EBPL: variants seen among roughly 807,000 people sequenced by gnomAD.
EBPL encodes EBP like.
EBPL carries 20 observed loss-of-function variants against 19.0 expected under a neutral mutation model. The observed-to-expected ratio is 1.05, with a 90% confidence interval of 0.74 to 1.53. The LOEUF (loss-of-function observed/expected upper bound fraction) is 1.53, where lower values mean the gene tolerates loss of function less well. Ranked by LOEUF, EBPL falls within the 40% of genes most tolerant of loss-of-function variation. The pLI is 0.00. For missense variants in EBPL, 219 were observed against 261.1 expected (o/e 0.84, Z 1.11); for synonymous variants, 107 against 117.0 (o/e 0.91, Z 0.55).
At chr13:49,663,474 A>G (rs186772524) in intron 2 of EBPL, among the ~76,000 whole-genome samples, 2 of 152,324 alleles carry the variant, frequency 1.3e-5, no homozygotes, top group African/African-American at 4.8e-5. Context: ...ACCCTCTTCA[A>G]CATAAGTAGC....
intron 1 of EBPL, among the ~76,000 whole-genome samples, chr13:49,684,754 T>C (rs1183203954): frequency 6.6e-6 from 1 of 152,224 alleles, no homozygotes; most frequent in African/African-American, 2.4e-5. Flanking sequence ...AAATAAACTT[T>C]AAGAGACTGT....
intron 1 of EBPL, among the ~76,000 whole-genome samples, chr13:49,681,261 T>A (rs1230417413): frequency 6.6e-6 from 1 of 152,064 alleles, no homozygotes; most frequent in Non-Finnish European, 1.5e-5. Flanking sequence ...GAAAGGCCAG[T>A]CTCATTTTTC....
chr13:49,690,042 C>T (rs1340024316), intron 1 of EBPL, among the ~76,000 whole-genome samples: 3 of 151,738 alleles, frequency 2.0e-5, no homozygotes, highest in Non-Finnish European at 4.4e-5. Context: ...CCCAGCTACT[C>T]GGGAGGCTGA....
chr13:49,667,111 A>G (rs1965240400), intron 2 of EBPL, among the ~76,000 whole-genome samples: 1 of 152,120 alleles, frequency 6.6e-6, no homozygotes, highest in African/African-American at 2.4e-5. Context: ...GGGGACGGAT[A>G]GTAAGGGGCC....
At chr13:49,685,193 A>G (rs1168131215) in intron 1 of EBPL, among the ~76,000 whole-genome samples, 1 of 152,246 alleles carries the variant, frequency 6.6e-6, no homozygotes, top group Non-Finnish European at 1.5e-5. Context: ...ATATTGAACT[A>G]CATTATAGTG....
intron 1 of EBPL, among the ~76,000 whole-genome samples, chr13:49,679,616 C>G (rs1953920470): frequency 6.6e-6 from 1 of 152,206 alleles, no homozygotes; most frequent in Non-Finnish European, 1.5e-5. Context: ...ATCCTCCTGT[C>G]TCAGCCTCCA....
chr13:49,672,448 C>CCGTT (rs539799544), intron 1 of EBPL, among the ~76,000 whole-genome samples: 53 of 152,162 alleles, frequency 3.5e-4, no homozygotes, highest in Non-Finnish European at 7.1e-4. Context: ...TTGTCTCTTC[C>CCGTT]CAAAACTGCC....
At chr13:49,666,082 C>T (rs904496085) in intron 2 of EBPL, among the ~76,000 whole-genome samples, 2 of 152,186 alleles carry the variant, frequency 1.3e-5, no homozygotes, top group African/African-American at 4.8e-5. Flanking sequence ...TCTCGCCATG[C>T]AGGGCCACAT....
intron 1 of EBPL, among the ~76,000 whole-genome samples, chr13:49,678,711 C>T (rs1340330011): frequency 1.3e-5 from 2 of 152,042 alleles, no homozygotes; most frequent in African/African-American, 2.4e-5. Context: ...CGCGGCCAGC[C>T]CAGAGAGGGG....
chr13:49,666,171 G>A (rs1382653822), intron 2 of EBPL, among the ~76,000 whole-genome samples: 1 of 152,204 alleles, frequency 6.6e-6, no homozygotes, highest in Non-Finnish European at 1.5e-5. Context: ...GGGGTGGGAT[G>A]AGCCCTGGTT....
chr13:49,686,882 A>G (rs895812730), intron 1 of EBPL, among the ~76,000 whole-genome samples: 4 of 152,010 alleles, frequency 2.6e-5, no homozygotes, highest in African/African-American at 7.3e-5. Flanking sequence ...TGCAGCCTCA[A>G]TCTCCTGGGT....
At chr13:49,676,780 C>T (rs559178230) in intron 1 of EBPL, among the ~76,000 whole-genome samples, 175 of 152,250 alleles carry the variant, frequency 1.1e-3, no homozygotes, top group Non-Finnish European at 2.0e-3. Flanking sequence ...AGGTTGATTA[C>T]ATGCAATAAA....
At chr13:49,689,595 C>G (rs1238778808) in intron 1 of EBPL, among the ~76,000 whole-genome samples, 1 of 152,176 alleles carries the variant, frequency 6.6e-6, no homozygotes, top group African/African-American at 2.4e-5. Flanking sequence ...GATCCACCCG[C>G]CTCAGCCTCC....
At chr13:49,678,455 G>T (rs1168761827) in intron 1 of EBPL, among the ~76,000 whole-genome samples, 5 of 152,220 alleles carry the variant, frequency 3.3e-5, no homozygotes, top group African/African-American at 1.2e-4. Flanking sequence ...GCCCTGCCCC[G>T]TGGGGAAGCG....
chr13:49,685,299 T>G lies in EBPL; in HGVS notation c.171+5955A>C, dbSNP rs1253281292. ...CCCAAACATATCCATACATATAAAA[T>G]ACTTTAGTATATGATAAAGCTGGCA... On this transcript the variant is annotated intron_variant, in intron 1 of 3. Coordinates refer to ENST00000242827, the MANE Select transcript of EBPL (RefSeq NM_032565.5). Among the ~76,000 whole-genome samples, 3 of 152,212 alleles carry G rather than the reference T, an allele frequency of 2.0e-5. No homozygotes were observed. In the East Asian group the frequency reaches 5.8e-4, roughly 29 times the overall value.
At chr13:49,678,369 C>T (rs549028330) in intron 1 of EBPL, among the ~76,000 whole-genome samples, 22 of 152,224 alleles carry the variant, frequency 1.4e-4, no homozygotes, top group Non-Finnish European at 2.6e-4. Flanking sequence ...TCGGACAGGT[C>T]GCTGCGGAGC....
In EBPL at chr13:49,663,203, C is replaced by G; in HGVS notation, c.242-8G>C. 1 of 1,613,278 alleles carries G rather than the reference C, an allele frequency of 6.2e-7. No individual in the cohort carries two copies. The highest frequency in any genetic ancestry group is 1.3e-5 in the African/African-American group (1 of 75,040). ...CTTTGCCATATTCTTTCCCTAAAGA[C>G]AAAATCCATGTTGTTACTCAAATGG... On this transcript the variant is annotated splice_polypyrimidine_tract_variant and splice_region_variant and intron_variant, in intron 2 of 3. Coordinates refer to ENST00000242827, the MANE Select transcript of EBPL (RefSeq NM_032565.5).
intron 3 of EBPL, 142 bp from the exon 4 acceptor site, chr13:49,661,350 T>C (rs553845704): frequency 2.9e-6 from 2 of 689,160 alleles, no homozygotes; most frequent in East Asian, 2.6e-5. Context: ...TGTTGGGTGG[T>C]GCTATTTTGA....
chr13:49,663,047 G>C lies in EBPL; in HGVS notation c.380+10C>G. ...CCCTCCTTCCAGCAGGACAGAAGAAGGGCACCTACCGGTAATATTTTTCTT... is the reference window on the plus strand; with the variant it reads ...CCCTCCTTCCAGCAGGACAGAAGAACGGCACCTACCGGTAATATTTTTCTT... On this transcript the variant is annotated intron_variant, in intron 3 of 3. Transcript: ENST00000242827. 6.2e-7 allele frequency: 1 copy of C among 1,613,286 alleles called. No individual in the cohort carries two copies. Among genetic ancestry groups the C allele is most frequent in the South Asian group, 1.1e-5 (1 of 91,018 alleles).
Sources: allele counts gnomAD v4.1 joint callset (sites outside exome capture counted in the v4.1 genomes callset), GRCh38; gene constraint gnomAD v4.1.1; transcripts MANE v1.5; gene names NCBI Gene and HGNC (gene_info 2026-07-23, HGNC 2026-07-21).